The following SBF2 variants were observed in gnomAD, a reference collection of about 807,000 sequenced individuals.
The protein encoded by SBF2 is myotubularin-related protein 13.
Under a neutral mutation model 225.2 loss-of-function variants are expected in SBF2, and 112 were observed. The ratio of observed to expected loss-of-function variants is 0.50; its 90% confidence interval spans 0.43 to 0.58. The LOEUF is 0.58. SBF2 is among the 20% of genes least tolerant of loss of function. The pLI is 0.00. For missense variants in SBF2, 1,996 were observed against 2,206.2 expected (o/e 0.90, Z 1.91); for synonymous variants, 763 against 773.3 (o/e 0.99, Z 0.22).
chr11:10,155,617 T>C (rs929242835), intron 2 of SBF2, among the ~76,000 whole-genome samples: 2 of 152,176 alleles, frequency 1.3e-5, no homozygotes, highest in Non-Finnish European at 2.9e-5. Context: ...ATTTTAAAAC[T>C]TCACATATAT....
chr11:9,921,660 T>G (rs1377152810), intron 16 of SBF2, among the ~76,000 whole-genome samples: 2 of 152,252 alleles, frequency 1.3e-5, no homozygotes, highest in Non-Finnish European at 2.9e-5. Flanking sequence ...CGCCACATTT[T>G]TAAGATTAAA....
chr11:10,171,133 C>T (rs60578195), intron 2 of SBF2, among the ~76,000 whole-genome samples: 14,473 of 152,022 alleles, frequency 0.095, 938 homozygotes, highest in East Asian at 0.28. Context: ...CCTAGACTTC[C>T]TTCTCTTATC....
chr11:10,001,489 T>A (rs1035853005), intron 7 of SBF2, among the ~76,000 whole-genome samples: 2 of 152,112 alleles, frequency 1.3e-5, no homozygotes, highest in African/African-American at 2.4e-5. Context: ...ATAATTACCT[T>A]ATCTAAAAAG....
intron 6 of SBF2, among the ~76,000 whole-genome samples, chr11:10,019,598 T>C (rs1488398099): frequency 6.6e-6 from 1 of 151,932 alleles, no homozygotes; most frequent in African/African-American, 2.4e-5. Flanking sequence ...GACAGACCCT[T>C]ATGACAAAAG....
intron 2 of SBF2, among the ~76,000 whole-genome samples, chr11:10,063,858 C>CACACACACAGAGAGAGAGAG (rs373423157): frequency 7.3e-6 from 1 of 136,240 alleles, no homozygotes; most frequent in African/African-American, 2.7e-5. Flanking sequence ...CACACACACA[C>CACACACACAGAGAGAGAGAG]AGAGAGAGAG....
intron 14 of SBF2, among the ~76,000 whole-genome samples, chr11:9,966,273 A>G (rs61876984): frequency 0.11 from 17,071 of 152,086 alleles, 1,082 homozygotes; most frequent in Non-Finnish European, 0.13. Context: ...TATTTTTAGT[A>G]GAGATGGAGT....
intron 2 of SBF2, among the ~76,000 whole-genome samples, chr11:10,096,830 G>T (rs1338376329): frequency 6.6e-6 from 1 of 151,980 alleles, no homozygotes; most frequent in Non-Finnish European, 1.5e-5. Flanking sequence ...AAAACAATTT[G>T]CTTTCCAAAT....
At chr11:10,068,738 C>T (rs1309434196) in intron 2 of SBF2, among the ~76,000 whole-genome samples, 1 of 151,994 alleles carries the variant, frequency 6.6e-6, no homozygotes, top group Non-Finnish European at 1.5e-5. Flanking sequence ...CCCCCGTCAC[C>T]CCTTTCAAAA....
At chr11:10,025,666 C>T (rs539733453) in intron 6 of SBF2, among the ~76,000 whole-genome samples, 175 of 152,230 alleles carry the variant, frequency 1.1e-3, no homozygotes, top group Admixed American at 3.8e-3. Context: ...GTGGCATGAT[C>T]TTGGCTCACT....
At chr11:10,058,145 C>G (rs949022426) in intron 2 of SBF2, among the ~76,000 whole-genome samples, 1 of 152,144 alleles carries the variant, frequency 6.6e-6, no homozygotes, top group African/African-American at 2.4e-5. Flanking sequence ...AGTTCTCCAA[C>G]AAGAGTTCTT....
At chr11:9,967,199 G>A (rs1866967530) in intron 14 of SBF2, among the ~76,000 whole-genome samples, 1 of 151,934 alleles carries the variant, frequency 6.6e-6, no homozygotes, top group South Asian at 2.1e-4. Flanking sequence ...GTGAAACCCC[G>A]TCTCTACTAA....
At chr11:9,975,486 G>A (rs1946640872) in intron 13 of SBF2, among the ~76,000 whole-genome samples, 2 of 152,206 alleles carry the variant, frequency 1.3e-5, no homozygotes, top group African/African-American at 4.8e-5. Context: ...GGGAAGATGT[G>A]ACTATAAAGG....
At chr11:10,090,028 C>T (rs972698136) in intron 2 of SBF2, among the ~76,000 whole-genome samples, 2 of 152,146 alleles carry the variant, frequency 1.3e-5, no homozygotes, top group African/African-American at 4.8e-5. Flanking sequence ...CTGATACATG[C>T]CACAACCTGA....
At chr11:10,054,060 AGCAGC>A (rs1950162601) in intron 2 of SBF2, among the ~76,000 whole-genome samples, 4 of 152,222 alleles carry the variant, frequency 2.6e-5, no homozygotes, top group Admixed American at 2.6e-4. Flanking sequence ...AATTTTAATA[AGCAGC>A]TTTTGATAAA....
chr11:10,271,583 T>C (rs1315596698), intron 1 of SBF2, among the ~76,000 whole-genome samples: 3 of 137,252 alleles, frequency 2.2e-5, no homozygotes, highest in Non-Finnish European at 5.0e-5. Flanking sequence ...CATTTAGGAA[T>C]TATAAATTCA....
intron 19 of SBF2, among the ~76,000 whole-genome samples, chr11:9,854,544 T>C (rs556005570): frequency 6.6e-6 from 1 of 152,320 alleles, no homozygotes; most frequent in Admixed American, 6.5e-5. Context: ...ATGCAGACTT[T>C]GAGAGAGCAC....
chr11:10,187,465 G>C (rs1037587111), intron 2 of SBF2, among the ~76,000 whole-genome samples: 1 of 152,086 alleles, frequency 6.6e-6, no homozygotes, highest in Non-Finnish European at 1.5e-5. Context: ...TGGTAGCAGG[G>C]GGACCCCTGC....
At chr11:10,274,654 G>A (rs1329423314) in intron 1 of SBF2, among the ~76,000 whole-genome samples, 1 of 151,724 alleles carries the variant, frequency 6.6e-6, no homozygotes, top group East Asian at 1.9e-4. Context: ...AGGAGGCTGA[G>A]GCAGGAGAAT....
intron 3 of SBF2, among the ~76,000 whole-genome samples, chr11:10,041,119 C>G (rs1181632307): frequency 6.6e-6 from 1 of 151,888 alleles, no homozygotes; most frequent in African/African-American, 2.4e-5. Flanking sequence ...GCGATACCCT[C>G]AAGAATATGG....
Sources: gnomAD v4.1 joint callset for allele counts (sites outside exome capture counted in the v4.1 genomes callset) on GRCh38, gnomAD v4.1.1 for gene constraint, MANE v1.5 for transcripts, NCBI Gene and HGNC (gene_info 2026-07-23, HGNC 2026-07-21) for gene names.